The following SLC35F4 variants were observed in gnomAD, a reference collection of about 807,000 sequenced individuals.
SLC35F4 encodes solute carrier family 35 member F4, also known as chromosome 14 open reading frame 36.
In SLC35F4, 24 loss-of-function variants were observed where a neutral mutation model predicts 44.2. The observed-to-expected ratio is 0.54, with a 90% CI of 0.39 to 0.76. The LOEUF is 0.76. Ranked by LOEUF, SLC35F4 falls within the 30% of genes least tolerant of loss-of-function variation. The pLI, the probability that SLC35F4 is intolerant of heterozygous loss-of-function variation, is 0.00. For missense variants in SLC35F4, 562 were observed against 586.1 expected, an observed-to-expected ratio of 0.96 and a Z score of 0.42; for synonymous variants, 238 against 223.6, an observed-to-expected ratio of 1.06 and a Z score of -0.57.
chr14:57,826,648 A>G (rs1476247542), intron 1 of SLC35F4, among the ~76,000 whole-genome samples: 1 of 151,680 alleles, frequency 6.6e-6, no homozygotes, highest in African/African-American at 2.4e-5. Context: ...TACAAGAGAA[A>G]TTTAAACAAA....
At chr14:57,624,705 A>AACCG (rs2072381363) in intron 1 of SLC35F4, among the ~76,000 whole-genome samples, 3 of 152,240 alleles carry the variant, frequency 2.0e-5, no homozygotes, top group Non-Finnish European at 2.9e-5. Context: ...GACAAATATG[A>AACCG]CATGATTATC....
At chr14:57,581,501 C>G (rs2069254552) in intron 3 of SLC35F4, 68 bp from the exon 4 acceptor site, 2 of 1,395,028 alleles carry the variant, frequency 1.4e-6, no homozygotes, top group Non-Finnish European at 2.0e-6. Flanking sequence ...TCTGACTCAT[C>G]GCAGCCATTT....
chr14:57,949,998 T>C (rs995013391), intron 1 of SLC35F4, among the ~76,000 whole-genome samples: 4 of 152,212 alleles, frequency 2.6e-5, no homozygotes, highest in African/African-American at 7.2e-5. Context: ...CTGATGACTA[T>C]GTGCCTAGGT....
chr14:57,866,321 T>C (rs1020237984), upstream of SLC35F4, among the ~76,000 whole-genome samples: 7 of 152,110 alleles, frequency 4.6e-5, no homozygotes, highest in Non-Finnish European at 1.0e-4. Flanking sequence ...GAGGGACTCA[T>C]AGCTGTTAAT....
chr14:57,737,151 G>A (rs969884999), intron 1 of SLC35F4, among the ~76,000 whole-genome samples: 7 of 151,794 alleles, frequency 4.6e-5, no homozygotes, highest in Admixed American at 3.9e-4. Flanking sequence ...AGGAGAGAGA[G>A]AATGAAAGGG....
At chr14:57,845,742 T>C (rs924303215) in intron 1 of SLC35F4, among the ~76,000 whole-genome samples, 1 of 152,216 alleles carries the variant, frequency 6.6e-6, no homozygotes. Context: ...TGTAAATATT[T>C]TTTAAAAAGA....
intron 1 of SLC35F4, among the ~76,000 whole-genome samples, chr14:57,861,503 C>A (rs899804453): frequency 6.6e-6 from 1 of 152,184 alleles, no homozygotes; most frequent in Admixed American, 6.5e-5. Flanking sequence ...TCCTCCATTT[C>A]TTCTGCTCCC....
intron 1 of SLC35F4, among the ~76,000 whole-genome samples, chr14:57,796,831 C>A (rs537585092): frequency 2.0e-5 from 3 of 152,236 alleles, no homozygotes; most frequent in East Asian, 1.9e-4. Context: ...TACACACAAA[C>A]CCTCAATGAA....
At chr14:57,566,995 T>C (rs2068239361) in intron 6 of SLC35F4, among the ~76,000 whole-genome samples, 1 of 152,250 alleles carries the variant, frequency 6.6e-6, no homozygotes, top group Non-Finnish European at 1.5e-5. Flanking sequence ...AAGGAAGGTC[T>C]ATCCAATGAT....
chr14:57,959,131 C>T (rs1267021379), intron 1 of SLC35F4, among the ~76,000 whole-genome samples: 1 of 152,134 alleles, frequency 6.6e-6, no homozygotes, highest in Non-Finnish European at 1.5e-5. Flanking sequence ...GGGCCCTGAC[C>T]TAGGCACTGT....
At chr14:57,582,732 A>G (rs990732935) in intron 3 of SLC35F4, among the ~76,000 whole-genome samples, 2 of 152,174 alleles carry the variant, frequency 1.3e-5, no homozygotes, top group African/African-American at 4.8e-5. Flanking sequence ...AATGAAATCT[A>G]TTTACAGGAC....
intron 1 of SLC35F4, among the ~76,000 whole-genome samples, chr14:57,720,544 G>A (rs1328216359): frequency 6.6e-6 from 1 of 152,040 alleles, no homozygotes; most frequent in South Asian, 2.1e-4. Flanking sequence ...ATTTCTTCCT[G>A]GGTCAATCTT....
chr14:57,650,025 G>A (rs1304362955), intron 1 of SLC35F4, among the ~76,000 whole-genome samples: 1 of 151,916 alleles, frequency 6.6e-6, no homozygotes, highest in Non-Finnish European at 1.5e-5. Flanking sequence ...TAGCTTTCAG[G>A]ATACCATATC....
At chr14:57,749,552 T>C (rs778995020) in intron 1 of SLC35F4, among the ~76,000 whole-genome samples, 1 of 152,048 alleles carries the variant, frequency 6.6e-6, no homozygotes, top group Non-Finnish European at 1.5e-5. Flanking sequence ...TCCCTACAGA[T>C]AGCTTAAAAA....
At chr14:57,795,005 C>T (rs2078021300) in intron 1 of SLC35F4, among the ~76,000 whole-genome samples, 1 of 152,100 alleles carries the variant, frequency 6.6e-6, no homozygotes. Context: ...GAACAAATTA[C>T]ACCCATCTCT....
chr14:57,747,623 C>A (rs1039333803), intron 1 of SLC35F4, among the ~76,000 whole-genome samples: 3 of 152,158 alleles, frequency 2.0e-5, no homozygotes, highest in African/African-American at 7.2e-5. Flanking sequence ...TGAAGCAAAT[C>A]TCATTTCATT....
At chr14:57,933,822 T>A (rs1212095523) in intron 1 of SLC35F4, among the ~76,000 whole-genome samples, 37 of 152,082 alleles carry the variant, frequency 2.4e-4, no homozygotes, top group South Asian at 2.1e-4. Flanking sequence ...ATAAAATGAA[T>A]CAGGAAGAAA....
intron 1 of SLC35F4, among the ~76,000 whole-genome samples, chr14:57,600,979 T>C (rs1181077401): frequency 6.6e-6 from 1 of 151,972 alleles, no homozygotes; most frequent in Non-Finnish European, 1.5e-5. Context: ...GCACAAGCAA[T>C]AGAAACTTTT....
chr14:57,625,825 T>C (rs2072446171), intron 1 of SLC35F4, among the ~76,000 whole-genome samples: 1 of 152,156 alleles, frequency 6.6e-6, no homozygotes, highest in African/African-American at 2.4e-5. Context: ...CATTACTGGG[T>C]ATATACCCAA....
Sources: allele counts gnomAD v4.1 joint callset (sites outside exome capture counted in the v4.1 genomes callset), GRCh38; gene constraint gnomAD v4.1.1; transcripts MANE v1.5; gene names NCBI Gene and HGNC (gene_info 2026-07-23, HGNC 2026-07-21).